Variants in ALS2 observed in about 807,000 individuals in gnomAD.
The protein encoded by ALS2 is alsin.
Under a neutral mutation model 203.4 loss-of-function variants are expected in ALS2, and 117 were observed. The observed-to-expected ratio is 0.58, with a 90% CI of 0.50 to 0.67. The LOEUF (loss-of-function observed/expected upper bound fraction) is 0.67. Among genes scored for constraint, ALS2 ranks in the 30% least tolerant of loss-of-function variants. The probability of loss-of-function intolerance (pLI) is 0.00; values close to 1 mark genes in which losing one functional copy is unlikely to be tolerated. For synonymous variants in ALS2, 718 were observed against 725.9 expected (o/e 0.99, Z 0.17); for missense variants, 1,715 against 1,989.4 (o/e 0.86, Z 2.62).
intron 1 of ALS2, among the ~76,000 whole-genome samples, chr2:201,773,542 T>C (rs1441944561): frequency 6.6e-6 from 1 of 152,156 alleles, no homozygotes; most frequent in Admixed American, 6.5e-5. Flanking sequence ...GAAGCAAAGA[T>C]AAGATTCTGG....
At chr2:201,738,774 T>G (rs771312782) in intron 11 of ALS2, 39 bp from the exon 12 acceptor site, 1 of 1,527,840 alleles carries the variant, frequency 6.5e-7, no homozygotes, top group Non-Finnish European at 9.1e-7. Context: ...TTAGTTGAAA[T>G]GTAAATTAGT....
At chr2:201,774,931 C>G (rs1559095195) in intron 1 of ALS2, among the ~76,000 whole-genome samples, 1 of 152,146 alleles carries the variant, frequency 6.6e-6, no homozygotes, top group East Asian at 1.9e-4. Context: ...AGTATGTTCT[C>G]TTTCTCATTA....
chr2:201,701,945 A>T (rs2105959743), intron 33 of ALS2, 56 bp from the exon 34 acceptor site: 1 of 1,521,750 alleles, frequency 6.6e-7, no homozygotes, highest in Middle Eastern at 1.8e-4. Flanking sequence ...TTACATAAAG[A>T]GAGCAATGCA....
At chr2:201,718,487 C>T (rs1347975457) in intron 23 of ALS2, among the ~76,000 whole-genome samples, 3 of 152,128 alleles carry the variant, frequency 2.0e-5, no homozygotes, top group Non-Finnish European at 4.4e-5. Context: ...TCTTGAACTC[C>T]TGACCTCAAG....
At position 201,768,926 on chromosome 2, in the gene ALS2, TACAGAAAGTCTATCAAG is replaced by T; in HGVS notation, c.-58_-42del. The stretch of plus-strand genomic sequence containing the variant: ...CTCCATCACCAAATCATTCCTTCTT[TACAGAAAGTCTATCAAG>T]ACCTAAACAGTACAAGTAAGGAAAA... On this transcript the variant is annotated splice_region_variant and 5_prime_UTR_variant, in exon 2 of 34. The change creates a premature stop within an existing upstream ORF in the 5' untranslated region. Transcript: ENST00000264276. 6.2e-7 allele frequency: 1 copy of T among 1,605,356 alleles called. No homozygotes were observed. The highest frequency in any genetic ancestry group is 1.3e-5 in the African/African-American group (1 of 74,702).
In ALS2 at chr2:201,729,090, T is replaced by A; in HGVS notation, c.2674A>T (p.Thr892Ser). 2 of 1,614,116 alleles carry A rather than the reference T, an allele frequency of 1.2e-6. No homozygotes were observed. Among genetic ancestry groups the A allele is most frequent in the Non-Finnish European group, 1.7e-6 (2 of 1,180,008 alleles). Residue 892 changes from threonine to serine, a missense_variant, in exon 14 of 34, where the codon ACA becomes TCA. Around this residue, in one of 3 missense-constraint regions of ALS2, gnomAD observed 1,227 missense variants for 1,413.5 expected, o/e 0.87. Transcript: ENST00000264276. ...GGGAAGGTCTTCCAGAAGCCCAGTG[T>A]GTATTCTGCTTCCTTCCTTTTCCTG... ...LGRKRKEAEY[T>S]LGFWKTFPGK...
chr2:201,749,277 CA>C (rs1022166438), intron 8 of ALS2, among the ~76,000 whole-genome samples: 59 of 149,140 alleles, frequency 4.0e-4, no homozygotes, highest in African/African-American at 1.2e-3. Flanking sequence ...AAAAGGCTTA[CA>C]AAAAAAAATG....
Position 201,727,708 on chromosome 2 carries a change from C to A in ALS2, c.2909G>T (p.Gly970Val), listed in dbSNP as rs375742430. Residue 970 changes from glycine to valine, a missense_variant, in exon 16 of 34, where the codon GGT becomes GTT. Transcript: ENST00000264276. ...WAEPLSEEAG[G>V]VNGLKITTPE... ...TGGGGAGGGGGGACGCACTTACACA[C>A]CACCAGCTTCTTCAGACAGTGGCTC... The A allele has an allele frequency of 1.8e-4, 281 of 1,551,638 alleles. 4 individuals are homozygous for A. In the South Asian group the frequency reaches 3.1e-3, roughly 17 times the overall value.
chr2:201,729,901 A>C lies in ALS2; in HGVS notation c.2581-718T>G, dbSNP rs796962683. Among the ~76,000 whole-genome samples the C allele has an allele frequency of 4.2e-3, 635 of 150,724 alleles. 1 individual carries two copies. The highest frequency in any genetic ancestry group is 0.015 in the African/African-American group (599 of 40,722). ...TCTCAAAAAAAAAAAAAAAAAAAAA[A>C]AACAACTTTTTTTGTGAGAAAAGTG... On this transcript the variant is annotated intron_variant, in intron 13 of 33. Coordinates refer to ENST00000264276, the MANE Select transcript of ALS2 (RefSeq NM_020919.4).
chr2:201,730,472 C>G (rs1245946033), intron 13 of ALS2, among the ~76,000 whole-genome samples: 2 of 152,204 alleles, frequency 1.3e-5, no homozygotes, highest in Non-Finnish European at 2.9e-5. Context: ...CCATCTCTAA[C>G]ATTCTAATTT....
chr2:201,725,069 C>T lies in ALS2; in HGVS notation c.3347+287G>A, dbSNP rs113016388. Among the ~76,000 whole-genome samples the T allele has an allele frequency of 0.086, 12,915 of 150,014 alleles. 625 individuals carry two copies. Among genetic ancestry groups the T allele is most frequent in the Middle Eastern group, 0.12 (35 of 292 alleles). On this transcript the variant is annotated intron_variant, in intron 20 of 33. Coordinates refer to ENST00000264276, the MANE Select transcript of ALS2 (RefSeq NM_020919.4). ...CAGAGCTTGCAGTGAGCCAAGATTG[C>T]GCCACTGCACTCCAGCCTGGGTGAC...
chr2:201,730,136 A>G (rs1691465388), intron 13 of ALS2, among the ~76,000 whole-genome samples: 1 of 152,306 alleles, frequency 6.6e-6, no homozygotes, highest in South Asian at 2.1e-4. Flanking sequence ...CTTTGATACT[A>G]TATTAAAACT....
At chr2:201,707,050 G>C (rs1486398691) in intron 28 of ALS2, 28 bp from the exon 29 acceptor site, 3 of 1,593,672 alleles carry the variant, frequency 1.9e-6, no homozygotes, top group Non-Finnish European at 2.6e-6. Context: ...GGGAGAAAAG[G>C]AGCATTTTTC....
intron 13 of ALS2, among the ~76,000 whole-genome samples, chr2:201,732,941 G>C (rs74515197): frequency 6.6e-6 from 1 of 152,188 alleles, no homozygotes; most frequent in African/African-American, 2.4e-5. Flanking sequence ...GGGCTTTAAA[G>C]AGCTCTGTTT....
chr2:201,747,725 G>C lies in ALS2; in HGVS notation c.1816-977C>G, dbSNP rs6759263. ...CAGCCTCCCAAAGTGCTGGGATTAC[G>C]GGCGTGAGCTACCGCGCCCAGCCCA... On this transcript the variant is annotated intron_variant, in intron 8 of 33. Coordinates refer to ENST00000264276, the MANE Select transcript of ALS2 (RefSeq NM_020919.4). 2.0e-5 allele frequency among the ~76,000 whole-genome samples: 3 copies of C among 152,132 alleles called. No individual in the cohort carries two copies. The South Asian group carries it at 6.2e-4, about 32-fold the overall frequency.
intron 20 of ALS2, among the ~76,000 whole-genome samples, 176 bp downstream of exon 20, chr2:201,725,180 T>C (rs139431792): frequency 2.0e-4 from 31 of 152,072 alleles, no homozygotes; most frequent in Non-Finnish European, 3.7e-4. Flanking sequence ...CTGCGATAGA[T>C]GAGGGGTTAA....
At chr2:201,733,610 T>G (rs1348224168) in intron 12 of ALS2, among the ~76,000 whole-genome samples, 172 bp from the exon 13 acceptor site, 1 of 152,218 alleles carries the variant, frequency 6.6e-6, no homozygotes, top group Non-Finnish European at 1.5e-5. Context: ...TTTCCCTATC[T>G]ATAAGACAGG....
chr2:201,744,521 GCTAA>G (rs1319778485), intron 9 of ALS2, 92 bp from the exon 10 acceptor site: 44 of 1,297,394 alleles, frequency 3.4e-5, no homozygotes, highest in Non-Finnish European at 4.8e-5. Context: ...GCTGACAAGA[GCTAA>G]CTGTTAAATA....
chr2:201,751,776 C>T (rs896514540), intron 7 of ALS2, among the ~76,000 whole-genome samples: 4 of 152,146 alleles, frequency 2.6e-5, no homozygotes, highest in Admixed American at 6.6e-5. Flanking sequence ...CACATACACA[C>T]AGTTCTAGTT....
Sources: gnomAD v4.1 joint callset for allele counts (sites outside exome capture counted in the v4.1 genomes callset) on GRCh38, gnomAD v4.1.1 for gene constraint, gnomAD v4.1.1 regional missense constraint, MANE v1.5 for transcripts, NCBI Gene and HGNC (gene_info 2026-07-23, HGNC 2026-07-21) for gene names.